ACMSD: variants seen among roughly 807,000 people sequenced by gnomAD.
The protein encoded by ACMSD is aminocarboxymuconate semialdehyde decarboxylase, also known as 2-amino-3-carboxymuconate-6-semialdehyde decarboxylase.
ACMSD carries 37 observed loss-of-function variants against 45.9 expected under a neutral mutation model. The ratio of observed to expected loss-of-function variants is 0.81; its 90% CI spans 0.62 to 1.06. ACMSD has a LOEUF of 1.06. Among genes scored for constraint, ACMSD ranks in the 50% least tolerant of loss-of-function variants. The probability of loss-of-function intolerance (pLI) is 0.00; values close to 1 mark genes in which losing one functional copy is unlikely to be tolerated. For missense variants in ACMSD, 434 were observed against 420.9 expected (o/e 1.03, Z -0.27); for synonymous variants, 138 against 148.8 (o/e 0.93, Z 0.53).
At chr2:134,846,368 C>G (rs748712502) in intron 2 of ACMSD, among the ~76,000 whole-genome samples, 1 of 151,994 alleles carries the variant, frequency 6.6e-6, no homozygotes, top group African/African-American at 2.4e-5. Flanking sequence ...TTTTAACAAG[C>G]CTCCTGGTGA....
intron 6 of ACMSD, 31 bp downstream of exon 6, chr2:134,867,703 G>C: frequency 1.3e-6 from 2 of 1,580,274 alleles, no homozygotes; most frequent in Non-Finnish European, 1.7e-6. Context: ...TGGAACAGAG[G>C]ACCAACTCTT....
rs60605938 is a variant in ACMSD, at chr2:134,842,843, C to T, written c.58-2390C>T. On this transcript the variant is annotated intron_variant, in intron 1 of 9. Transcript: ENST00000356140. Reference sequence around the variant, plus strand: ...ACAAAGTCAAGTGCCTTGTAAGTGACTTGTCGCATGTGGGAGGATCCCTCT... The same window carrying T: ...ACAAAGTCAAGTGCCTTGTAAGTGATTTGTCGCATGTGGGAGGATCCCTCT... Among the ~76,000 whole-genome samples, 1,279 of 152,302 alleles carry T rather than the reference C, an allele frequency of 8.4e-3. 17 individuals are homozygous for T. The highest frequency in any genetic ancestry group is 0.029 in the African/African-American group (1,221 of 41,562).
Position 134,901,964 on chromosome 2 carries a change from AGAAAT to A in ACMSD, c.*108_*112del. On this transcript the variant is annotated 3_prime_UTR_variant, in exon 10 of 10. Coordinates refer to ENST00000356140, the MANE Select transcript of ACMSD (RefSeq NM_138326.3). ...AATCCTATTTTGAACTATTTTACTC[AGAAAT>A]GAATGTCCCAAATATCCTAAATTAT... 1 of 687,870 alleles carries A rather than the reference AGAAAT, an allele frequency of 1.5e-6. No homozygotes were observed. Among genetic ancestry groups the A allele is most frequent in the Non-Finnish European group, 2.3e-6 (1 of 431,490 alleles). The allele number at this position is 687,870 out of a possible 1,614,324, so 42.6% of individuals were successfully genotyped here.
At chr2:134,840,094 C>T (rs1459040907) in intron 1 of ACMSD, among the ~76,000 whole-genome samples, 4 of 143,272 alleles carry the variant, frequency 2.8e-5, no homozygotes, top group Non-Finnish European at 6.0e-5. Context: ...GATTATACTC[C>T]CTAATCTGAG....
intron 1 of ACMSD, chr2:134,844,480 T>A (rs1223863715): frequency 1.3e-5 from 2 of 152,328 alleles, no homozygotes; most frequent in African/African-American, 4.8e-5. Flanking sequence ...AGGTTTGTAT[T>A]CCAGAGCAAA....
intron 8 of ACMSD, among the ~76,000 whole-genome samples, chr2:134,895,359 AT>A (rs1356910837): frequency 1.5e-5 from 1 of 65,082 alleles, no homozygotes; most frequent in East Asian, 5.7e-4. Flanking sequence ...AACATATATA[AT>A]ATATATATAT....
chr2:134,882,167 A>G (rs1689072704), intron 8 of ACMSD, among the ~76,000 whole-genome samples: 1 of 152,198 alleles, frequency 6.6e-6, no homozygotes, highest in South Asian at 2.1e-4. Context: ...TTCCCACCTA[A>G]CTTGACATTT....
chr2:134,882,538 G>A (rs1024989411), intron 8 of ACMSD, among the ~76,000 whole-genome samples: 1 of 152,180 alleles, frequency 6.6e-6, no homozygotes, highest in Non-Finnish European at 1.5e-5. Flanking sequence ...TTAAGTTAAT[G>A]TTTGTTTAAC....
At chr2:134,899,465 T>C (rs1473420765) in intron 9 of ACMSD, among the ~76,000 whole-genome samples, 1 of 152,092 alleles carries the variant, frequency 6.6e-6, no homozygotes, top group African/African-American at 2.4e-5. Flanking sequence ...GAAGCTGTCA[T>C]AAAGGCATTT....
chr2:134,879,311 C>T (rs1688911850), intron 8 of ACMSD, among the ~76,000 whole-genome samples: 2 of 152,192 alleles, frequency 1.3e-5, no homozygotes, highest in African/African-American at 4.8e-5. Context: ...TAAGCCTTTA[C>T]TGCAACCTTC....
chr2:134,895,516 A>C (rs1459389825), intron 8 of ACMSD, among the ~76,000 whole-genome samples: 2 of 151,598 alleles, frequency 1.3e-5, no homozygotes, highest in Non-Finnish European at 2.9e-5. Context: ...AAAATTCCAG[A>C]TGTCTTTTTT....
intron 8 of ACMSD, among the ~76,000 whole-genome samples, chr2:134,875,165 T>TC (rs1688669171): frequency 6.6e-6 from 1 of 152,048 alleles, no homozygotes; most frequent in Admixed American, 6.5e-5. Context: ...CACACCCAAC[T>TC]CTTTTTTTTA....
intron 2 of ACMSD, among the ~76,000 whole-genome samples, chr2:134,856,491 TC>T (rs759602640): frequency 2.1e-4 from 32 of 152,188 alleles, no homozygotes; most frequent in Non-Finnish European, 4.0e-4. Context: ...TTCCTTTTTC[TC>T]CGCATCCTTA....
At chr2:134,881,861 T>C (rs1689059022) in intron 8 of ACMSD, among the ~76,000 whole-genome samples, 1 of 152,128 alleles carries the variant, frequency 6.6e-6, no homozygotes, top group Non-Finnish European at 1.5e-5. Flanking sequence ...ATTACGCCTG[T>C]AATCCCAGCA....
At chr2:134,885,431 A>T (rs1426635832) in intron 8 of ACMSD, among the ~76,000 whole-genome samples, 15 of 119,282 alleles carry the variant, frequency 1.3e-4, no homozygotes, top group African/African-American at 2.0e-4. Flanking sequence ...AAATATATAT[A>T]ATATATAAAT....
chr2:134,873,712 G>A (rs546355317), intron 8 of ACMSD: 25 of 152,326 alleles, frequency 1.6e-4, no homozygotes, highest in African/African-American at 5.8e-4. Context: ...AATCAATTAT[G>A]TGGTTGAGCT....
At chr2:134,893,184 C>T (rs1419921023) in intron 8 of ACMSD, among the ~76,000 whole-genome samples, 1 of 150,742 alleles carries the variant, frequency 6.6e-6, no homozygotes, top group Non-Finnish European at 1.5e-5. Flanking sequence ...TATTAAATAC[C>T]TTTTCTTCCA....
At chr2:134,853,881 G>C (rs2104835378) in intron 2 of ACMSD, among the ~76,000 whole-genome samples, 1 of 152,292 alleles carries the variant, frequency 6.6e-6, no homozygotes, top group South Asian at 2.1e-4. Flanking sequence ...CATGTAATGA[G>C]AGGCACTCCC....
chr2:134,854,817 C>A (rs182530217), intron 2 of ACMSD, among the ~76,000 whole-genome samples: 4 of 134,380 alleles, frequency 3.0e-5, no homozygotes, highest in South Asian at 2.7e-4. Flanking sequence ...CCACATTTTA[C>A]AGACAGAAAA....
Sources: gnomAD v4.1 joint callset for allele counts (sites outside exome capture counted in the v4.1 genomes callset) on GRCh38, gnomAD v4.1.1 for gene constraint, MANE v1.5 for transcripts, NCBI Gene and HGNC (gene_info 2026-07-23, HGNC 2026-07-21) for gene names.